DCC: variants seen among roughly 807,000 people sequenced by gnomAD.
DCC encodes the protein DCC netrin 1 receptor, also known as netrin receptor DCC.
DCC carries 58 observed loss-of-function variants against 172.5 expected under a neutral mutation model. The observed-to-expected ratio is 0.34, with a 90% CI of 0.27 to 0.42. The LOEUF is 0.42. DCC is among the 10% of genes least tolerant of loss of function. The pLI is 1.00. For missense variants in DCC, 1,740 were observed against 1,791.0 expected (o/e 0.97, Z 0.51); for synonymous variants, 709 against 644.5 (o/e 1.10, Z -1.52).
chr18:52,984,739 A>T (rs1473497192), intron 5 of DCC, among the ~76,000 whole-genome samples: 5 of 152,158 alleles, frequency 3.3e-5, no homozygotes, highest in Non-Finnish European at 7.4e-5. Flanking sequence ...TTATCCAATT[A>T]TGATTCCCTC....
At chr18:53,086,044 CTCTCCTTCTCCTTCTCCT>C (rs1226720982) in intron 7 of DCC, among the ~76,000 whole-genome samples, 1 of 280 alleles carries the variant, frequency 3.6e-3, no homozygotes, top group Non-Finnish European at 8.6e-3. Flanking sequence ...CTCCCTCTCC[CTCTCCTTCTCCTTCTCCT>C]TCTCCCTCTC....
chr18:53,186,380 T>C (rs1471187396), intron 9 of DCC, among the ~76,000 whole-genome samples: 1 of 152,174 alleles, frequency 6.6e-6, no homozygotes, highest in Non-Finnish European at 1.5e-5. Flanking sequence ...TGAAAGCGGT[T>C]GGTTTGCTAA....
intron 1 of DCC, among the ~76,000 whole-genome samples, chr18:52,474,861 C>T (rs1479833325): frequency 6.6e-6 from 1 of 152,170 alleles, no homozygotes; most frequent in African/African-American, 2.4e-5. Context: ...AATGGGGACC[C>T]CAACACCGGT....
chr18:52,561,269 T>C (rs752247105), intron 1 of DCC, among the ~76,000 whole-genome samples: 13 of 69,902 alleles, frequency 1.9e-4, no homozygotes, highest in Non-Finnish European at 2.8e-4. Flanking sequence ...CTAGAGTTTT[T>C]ATGATTTTAT....
intron 27 of DCC, among the ~76,000 whole-genome samples, chr18:53,519,168 A>AACTT (rs2046372066): frequency 6.6e-6 from 1 of 152,140 alleles, no homozygotes; most frequent in Non-Finnish European, 1.5e-5. Context: ...CATAGCTAAT[A>AACTT]ACTTAAAAAT....
intron 2 of DCC, among the ~76,000 whole-genome samples, chr18:52,823,020 A>G (rs1414034199): frequency 2.0e-5 from 3 of 152,202 alleles, no homozygotes; most frequent in Non-Finnish European, 4.4e-5. Context: ...GTGTCCCATG[A>G]AAACATAAGA....
At chr18:53,485,022 G>T (rs1284599575) in intron 25 of DCC, among the ~76,000 whole-genome samples, 1 of 151,976 alleles carries the variant, frequency 6.6e-6, no homozygotes, top group Non-Finnish European at 1.5e-5. Context: ...GTAGGCCAAA[G>T]AATGCAAAAT....
At chr18:52,635,658 T>G (rs2034762492) in intron 1 of DCC, among the ~76,000 whole-genome samples, 1 of 152,210 alleles carries the variant, frequency 6.6e-6, no homozygotes. Flanking sequence ...CTTTATTTCA[T>G]TCCATTCAGA....
intron 14 of DCC, among the ~76,000 whole-genome samples, chr18:53,338,654 T>G (rs916625875): frequency 3.9e-5 from 6 of 152,208 alleles, no homozygotes; most frequent in Non-Finnish European, 8.8e-5. Flanking sequence ...AAAAAATATT[T>G]TTTTAAGACT....
At chr18:52,698,647 C>A (rs1453005288) in intron 1 of DCC, among the ~76,000 whole-genome samples, 1 of 151,936 alleles carries the variant, frequency 6.6e-6, no homozygotes, top group Non-Finnish European at 1.5e-5. Flanking sequence ...GGCTGGAGTG[C>A]AATGGCACAA....
intron 22 of DCC, among the ~76,000 whole-genome samples, chr18:53,442,348 AT>A (rs1912327675): frequency 6.6e-6 from 1 of 152,136 alleles, no homozygotes; most frequent in Non-Finnish European, 1.5e-5. Context: ...AAACTTTTAA[AT>A]TATTATTATA....
intron 1 of DCC, among the ~76,000 whole-genome samples, chr18:52,424,258 C>T (rs900923455): frequency 5.3e-5 from 8 of 152,148 alleles, no homozygotes; most frequent in African/African-American, 1.7e-4. Context: ...TTAATTTCCA[C>T]AATCACCGTT....
At chr18:52,601,071 A>G (rs1398555101) in intron 1 of DCC, among the ~76,000 whole-genome samples, 1 of 152,144 alleles carries the variant, frequency 6.6e-6, no homozygotes, top group Non-Finnish European at 1.5e-5. Flanking sequence ...AAAAAATAAT[A>G]AAAAAGCCCA....
intron 21 of DCC, among the ~76,000 whole-genome samples, chr18:53,429,851 G>C (rs1426748762): frequency 6.6e-6 from 1 of 152,124 alleles, no homozygotes; most frequent in Non-Finnish European, 1.5e-5. Context: ...TGAAAACAAT[G>C]TGTTGAACCT....
intron 7 of DCC, among the ~76,000 whole-genome samples, chr18:53,142,283 G>A (rs552058386): frequency 6.6e-5 from 10 of 152,178 alleles, no homozygotes; most frequent in Non-Finnish European, 1.5e-4. Context: ...CAGTCTGAAC[G>A]CTTTGTGTCT....
intron 5 of DCC, among the ~76,000 whole-genome samples, chr18:52,947,176 T>C (rs2040561289): frequency 6.6e-6 from 1 of 152,184 alleles, no homozygotes; most frequent in South Asian, 2.1e-4. Flanking sequence ...TATTAATATA[T>C]AATTAAGCTA....
chr18:53,126,289 C>T (rs1210799959), intron 7 of DCC, among the ~76,000 whole-genome samples: 1 of 152,038 alleles, frequency 6.6e-6, no homozygotes, highest in Non-Finnish European at 1.5e-5. Flanking sequence ...ACTATTTGTG[C>T]CTAGGATTTT....
rs988320477 is a variant in DCC at position 53,305,465 on chromosome 18, T to C, written c.1912-113T>C. Reference sequence around the variant, plus strand: ...TAATTTGTCTCTAAGTGGCAATCGCTAACACTTCTTGCTTCTCTGCTTTCT... The same window carrying C: ...TAATTTGTCTCTAAGTGGCAATCGCCAACACTTCTTGCTTCTCTGCTTTCT... On this transcript the variant is annotated intron_variant, in intron 12 of 28. Transcript: ENST00000442544. The C allele has an allele frequency of 1.5e-5, 13 of 862,298 alleles. No homozygotes were observed. In the African/African-American group the frequency reaches 1.7e-4, roughly 11 times the overall value. 53.4% of individuals were successfully genotyped at this position (862,298 alleles called of 1,614,324 possible).
At chr18:52,802,002 TTC>T (rs2037998123) in intron 2 of DCC, among the ~76,000 whole-genome samples, 1 of 149,188 alleles carries the variant, frequency 6.7e-6, no homozygotes, top group Admixed American at 6.7e-5. Flanking sequence ...CATTATTCTA[TTC>T]TTTTTTTTTT....
Sources: gnomAD v4.1 joint callset for allele counts (sites outside exome capture counted in the v4.1 genomes callset) on GRCh38, gnomAD v4.1.1 for gene constraint, MANE v1.5 for transcripts, NCBI Gene and HGNC (gene_info 2026-07-23, HGNC 2026-07-21) for gene names.